The following COL22A1 variants were observed in gnomAD, a reference collection of about 807,000 sequenced individuals.
The protein encoded by COL22A1 is collagen alpha-1(XXII) chain.
Under a neutral mutation model 248.9 loss-of-function variants are expected in COL22A1, and 221 were observed. The ratio of observed to expected loss-of-function variants is 0.89; its 90% CI spans 0.80 to 0.99. The LOEUF (loss-of-function observed/expected upper bound fraction) is 0.99. Ranked by LOEUF, COL22A1 falls within the 50% of genes least tolerant of loss-of-function variation. The probability of loss-of-function intolerance (pLI) is 0.00; values close to 1 mark genes in which losing one functional copy is unlikely to be tolerated. For synonymous variants in COL22A1, 891 were observed against 793.4 expected (o/e 1.12, Z -2.07); for missense variants, 2,240 against 2,179.0 (o/e 1.03, Z -0.56).
At chr8:138,790,013 A>G (rs572304595) in intron 12 of COL22A1, among the ~76,000 whole-genome samples, 4 of 152,192 alleles carry the variant, frequency 2.6e-5, no homozygotes, top group Admixed American at 2.6e-4. Context: ...GGGAGAACTT[A>G]AAAAAATCAA....
intron 7 of COL22A1, among the ~76,000 whole-genome samples, 176 bp downstream of exon 7, chr8:138,820,960 A>C (rs913438768): frequency 2.0e-5 from 3 of 152,170 alleles, no homozygotes; most frequent in Non-Finnish European, 2.9e-5. Context: ...GGTGATGGTG[A>C]ATTGGGGTTC....
chr8:138,686,202 AAG>A (rs950906597), intron 37 of COL22A1, among the ~76,000 whole-genome samples: 1 of 152,116 alleles, frequency 6.6e-6, no homozygotes, highest in Non-Finnish European at 1.5e-5. Context: ...TGGAGAGAGC[AAG>A]AGAGAGAGAG....
At chr8:138,778,457 A>T in intron 14 of COL22A1, 51 bp from the exon 15 acceptor site, 1 of 1,508,786 alleles carries the variant, frequency 6.6e-7, no homozygotes, top group Non-Finnish European at 8.9e-7. Flanking sequence ...AAAGAAAGGC[A>T]AGTGCAGCCG....
chr8:138,733,974 C>G (rs1269969797), intron 23 of COL22A1, among the ~76,000 whole-genome samples: 1 of 152,140 alleles, frequency 6.6e-6, no homozygotes, highest in Non-Finnish European at 1.5e-5. Flanking sequence ...CCGTGAGAAA[C>G]CACCTGTACA....
intron 12 of COL22A1, among the ~76,000 whole-genome samples, chr8:138,796,389 C>CTTTTTTTTTTTTTTTTTTT (rs11284610): frequency 2.3e-4 from 6 of 26,314 alleles, no homozygotes; most frequent in African/African-American, 4.0e-4. Flanking sequence ...TGCTACTTTC[C>CTTTTTTTTTTTTTTTTTTT]TTTTTTTTTT....
chr8:138,651,354 T>C (rs1483333063), intron 45 of COL22A1, among the ~76,000 whole-genome samples: 1 of 152,198 alleles, frequency 6.6e-6, no homozygotes, highest in Non-Finnish European at 1.5e-5. Flanking sequence ...GCCAAATTCA[T>C]GGCAAATATT....
At chr8:138,748,463 C>T (rs558670521) in intron 22 of COL22A1, among the ~76,000 whole-genome samples, 4 of 152,278 alleles carry the variant, frequency 2.6e-5, no homozygotes, top group African/African-American at 7.2e-5. Context: ...ACTTTGGGGA[C>T]GCACAGCCGC....
chr8:138,624,916 T>C (rs1280971863), intron 51 of COL22A1, among the ~76,000 whole-genome samples: 2 of 152,184 alleles, frequency 1.3e-5, no homozygotes, highest in Non-Finnish European at 2.9e-5. Context: ...GCTCACTATG[T>C]GTGGGGACTC....
At chr8:138,717,813 C>A (rs1182380312) in intron 27 of COL22A1, among the ~76,000 whole-genome samples, 1 of 152,176 alleles carries the variant, frequency 6.6e-6, no homozygotes, top group Non-Finnish European at 1.5e-5. Flanking sequence ...CAGGTTCTTA[C>A]AAATCATTGA....
intron 62 of COL22A1, among the ~76,000 whole-genome samples, chr8:138,595,645 C>T (rs569774747): frequency 3.9e-5 from 6 of 152,138 alleles, no homozygotes; most frequent in South Asian, 2.1e-4. Context: ...GGAAAAAGAT[C>T]GTGTTCTTTT....
At chr8:138,809,528 C>CTTT (rs71518485) in intron 9 of COL22A1, among the ~76,000 whole-genome samples, 3 of 117,630 alleles carry the variant, frequency 2.6e-5, no homozygotes, top group African/African-American at 1.0e-4. Context: ...TTTTCTTTTT[C>CTTT]TTTTTTTTTT....
intron 16 of COL22A1, among the ~76,000 whole-genome samples, chr8:138,764,412 G>C (rs1257992010): frequency 6.6e-6 from 1 of 152,202 alleles, no homozygotes; most frequent in African/African-American, 2.4e-5. Flanking sequence ...GGCAGGGGCT[G>C]CCTGACTCTG....
chr8:138,722,180 C>A (rs200197717), intron 25 of COL22A1, 91 bp from the exon 26 acceptor site: 8 of 1,119,610 alleles, frequency 7.1e-6, no homozygotes, highest in Middle Eastern at 4.1e-4. Flanking sequence ...GCTGTTTTTG[C>A]AGCCAGAATG....
chr8:138,873,479 T>C (rs1290524012), intron 3 of COL22A1, among the ~76,000 whole-genome samples: 2 of 152,218 alleles, frequency 1.3e-5, no homozygotes, highest in African/African-American at 4.8e-5. Flanking sequence ...TCATCCTACA[T>C]ACTAGGCTCT....
At chr8:138,785,589 G>A (rs1815447946) in intron 12 of COL22A1, among the ~76,000 whole-genome samples, 1 of 152,214 alleles carries the variant, frequency 6.6e-6, no homozygotes, top group Non-Finnish European at 1.5e-5. Context: ...TCTGGCTCTG[G>A]TGGGTTGGGC....
intron 7 of COL22A1, among the ~76,000 whole-genome samples, chr8:138,820,117 CAT>C (rs1466478044): frequency 1.3e-4 from 19 of 151,930 alleles, no homozygotes; most frequent in African/African-American, 4.6e-4. Context: ...AGCTTAGACA[CAT>C]GATTTTGAGT....
chr8:138,724,258 C>T (rs1267311160), intron 25 of COL22A1, among the ~76,000 whole-genome samples: 1 of 152,220 alleles, frequency 6.6e-6, no homozygotes, highest in African/African-American at 2.4e-5. Context: ...AGCTCCCCGC[C>T]TGTTGCTTCT....
chr8:138,689,004 T>G (rs772824060), intron 36 of COL22A1, 34 bp from the exon 37 acceptor site: 9 of 1,569,266 alleles, frequency 5.7e-6, no homozygotes, highest in Non-Finnish European at 7.9e-6. Context: ...ATGGTGAATT[T>G]AAAGATGACT....
intron 25 of COL22A1, chr8:138,722,295 C>T (rs750240285): frequency 4.8e-5 from 28 of 581,106 alleles, no homozygotes; most frequent in Non-Finnish European, 8.4e-5. Flanking sequence ...AAGCAAATAT[C>T]ACCCTCTGGG....
Sources: allele counts gnomAD v4.1 joint callset (sites outside exome capture counted in the v4.1 genomes callset), GRCh38; gene constraint gnomAD v4.1.1; transcripts MANE v1.5; gene names NCBI Gene and HGNC (gene_info 2026-07-23, HGNC 2026-07-21).